The following IL1RAPL1 variants were observed in gnomAD, a reference collection of about 807,000 sequenced individuals.
IL1RAPL1 encodes the protein interleukin 1 receptor accessory protein like 1, also known as interleukin-1 receptor accessory protein-like 1.
A neutral mutation model predicts 48.4 loss-of-function variants in IL1RAPL1; 3 were observed. The observed-to-expected ratio is 0.06, with a 90% CI of 0.03 to 0.16. The LOEUF is 0.16. Among genes scored for constraint, IL1RAPL1 ranks in the 10% least tolerant of loss-of-function variants. The pLI, the probability that IL1RAPL1 is intolerant of heterozygous loss-of-function variation, is 1.00. For synonymous variants in IL1RAPL1, 185 were observed against 187.7 expected (o/e 0.99, Z 0.12); for missense variants, 349 against 530.6 (o/e 0.66, Z 3.36).
At chrX:29,036,642 T>C (rs1014285826) in intron 2 of IL1RAPL1, among the ~76,000 whole-genome samples, 1 of 112,181 alleles carries the variant, frequency 8.9e-6, no homozygotes, top group Non-Finnish European at 1.9e-5. Context: ...TTTACTTTTA[T>C]CTTTGAATAA....
intron 6 of IL1RAPL1, among the ~76,000 whole-genome samples, chrX:29,754,564 A>G (rs1928566530): frequency 8.9e-6 from 1 of 112,047 alleles, no homozygotes; most frequent in Non-Finnish European, 1.9e-5. Flanking sequence ...AGCCTTTAAC[A>G]ATACAAGACT....
chrX:29,689,225 A>G lies in IL1RAPL1; in HGVS notation c.778+20721A>G, dbSNP rs1326668924. On this transcript the variant is annotated intron_variant, in intron 6 of 10. Transcript: ENST00000378993. ...TCTCCGTTAGTAGACACATCGTAGTATCTAACCATAATGATTACAGGCATA... is the reference window on the plus strand; with the variant it reads ...TCTCCGTTAGTAGACACATCGTAGTGTCTAACCATAATGATTACAGGCATA... Among the ~76,000 whole-genome samples the G allele has an allele frequency of 1.9e-4, 21 of 111,648 alleles. No individual in the cohort carries two copies. In the Admixed American group the frequency reaches 2.0e-3, roughly 11 times the overall value.
chrX:28,615,131 G>T lies in IL1RAPL1; in HGVS notation c.-25+27084G>T, dbSNP rs1475956952. On this transcript the variant is annotated intron_variant, in intron 1 of 10. Transcript: ENST00000378993. The stretch of plus-strand genomic sequence containing the variant: ...TCTCGACCTCCTGACCTCGTGATCT[G>T]CCCGCCTTGGCCTCCTAAAGTGCTG... 5.7e-5 allele frequency among the ~76,000 whole-genome samples: 6 copies of T among 104,707 alleles called. No homozygotes were observed. In the Admixed American group the frequency reaches 6.3e-4, roughly 11 times the overall value. 90.9% of individuals were successfully genotyped at this position (104,707 alleles called of 115,157 possible).
intron 6 of IL1RAPL1, among the ~76,000 whole-genome samples, chrX:29,914,260 AGAAAT>A (rs1932780944): frequency 8.9e-6 from 1 of 112,400 alleles, no homozygotes; most frequent in South Asian, 3.7e-4. Context: ...GTAAAAGAAA[AGAAAT>A]GAATTATAAA....
At chrX:29,221,610 TACAC>T (rs1293855769) in intron 2 of IL1RAPL1, among the ~76,000 whole-genome samples, 1 of 61,808 alleles carries the variant, frequency 1.6e-5, no homozygotes, top group East Asian at 4.8e-4. Context: ...GAGCAATGTA[TACAC>T]ACACATACAC....
rs148111392 is a variant in IL1RAPL1, at chrX:29,806,735, T to C, written c.779-110729T>C. Among the ~76,000 whole-genome samples, 74 of 111,804 alleles carry C rather than the reference T, an allele frequency of 6.6e-4. 1 individual carries two copies. The East Asian group carries it at 9.2e-3, about 14-fold the overall frequency. On this transcript the variant is annotated intron_variant, in intron 6 of 10. Transcript: ENST00000378993. ...AACCATCTAAAGAATATATATCTAT[T>C]AGCCATTTACATATATAACCAATTA...
At chrX:29,271,833 A>G (rs1433485348) in intron 2 of IL1RAPL1, among the ~76,000 whole-genome samples, 1 of 111,624 alleles carries the variant, frequency 9.0e-6, no homozygotes, top group Admixed American at 9.5e-5. Context: ...TACTCTCTTG[A>G]TAGTTTGGTT....
At chrX:28,798,276 G>A (rs975434908) in intron 2 of IL1RAPL1, among the ~76,000 whole-genome samples, 1 of 111,828 alleles carries the variant, frequency 8.9e-6, no homozygotes, top group African/African-American at 3.3e-5. Context: ...AGGCTTGCAC[G>A]TGATCCATAA....
rs188377930 is a variant in IL1RAPL1 at position 28,992,346 on chromosome X, T to C, written c.82+202921T>C. Among the ~76,000 whole-genome samples, 12 of 109,306 alleles carry C rather than the reference T, an allele frequency of 1.1e-4. No individual in the cohort carries two copies. In the East Asian group the frequency reaches 3.5e-3, roughly 32 times the overall value. 94.9% of individuals were successfully genotyped at this position (109,306 alleles called of 115,157 possible). ...CTCTACTAAAACTACAAAAATTAGC[T>C]GGGCATGGTGGCACATGCCTGTAAT... On this transcript the variant is annotated intron_variant, in intron 2 of 10. Transcript: ENST00000378993.
intron 5 of IL1RAPL1, among the ~76,000 whole-genome samples, chrX:29,486,055 T>C (rs1250923693): frequency 9.0e-6 from 1 of 111,516 alleles, no homozygotes; most frequent in Non-Finnish European, 1.9e-5. Flanking sequence ...ATCTTTGTTT[T>C]AACAAGCCCT....
At chrX:28,697,518 C>T (rs1352730968) in intron 1 of IL1RAPL1, among the ~76,000 whole-genome samples, 2 of 110,810 alleles carry the variant, frequency 1.8e-5, no homozygotes, top group Non-Finnish European at 3.8e-5. Context: ...TTTGATAGAT[C>T]AGGATTTTTA....
At chrX:28,900,439 T>G (rs1923044164) in intron 2 of IL1RAPL1, among the ~76,000 whole-genome samples, 1 of 111,751 alleles carries the variant, frequency 8.9e-6, no homozygotes, top group Non-Finnish European at 1.9e-5. Context: ...GAATAAAAAT[T>G]TAACTATGAG....
At chrX:28,608,641 A>G (rs1369670388) in intron 1 of IL1RAPL1, among the ~76,000 whole-genome samples, 1 of 111,899 alleles carries the variant, frequency 8.9e-6, no homozygotes, top group Admixed American at 9.6e-5. Flanking sequence ...CAACATGTGT[A>G]CAGCTGAATT....
intron 1 of IL1RAPL1, among the ~76,000 whole-genome samples, chrX:28,608,318 A>G (rs1207413519): frequency 8.9e-6 from 1 of 111,735 alleles, no homozygotes; most frequent in African/African-American, 3.3e-5. Context: ...CAGTGATGCA[A>G]TGTACACATT....
intron 1 of IL1RAPL1, among the ~76,000 whole-genome samples, chrX:28,689,358 T>C (rs183155284): frequency 2.1e-4 from 23 of 110,768 alleles, no homozygotes; most frequent in Admixed American, 1.8e-3. Context: ...TTCCCTACCT[T>C]TGCTCTGCAT....
At position 29,954,579 on chromosome X, in the gene IL1RAPL1, A is replaced by T. The variant is rs1237875163; in HGVS notation, c.1259A>T (p.Asn420Ile). Residue 420 changes from asparagine (N) to isoleucine (I), a missense_variant, in exon 10 of 11, where the codon AAT becomes ATT. Asn to Ile is a moderately radical substitution (Grantham distance 149). Coordinates refer to ENST00000378993, the MANE Select transcript of IL1RAPL1 (RefSeq NM_014271.4). Reference sequence around the variant, plus strand: ...ACCAAAGTGGATCCTGACCAGTGGAATCAAGAGACTGGGGAAGAAGAACGT... The same window carrying T: ...ACCAAAGTGGATCCTGACCAGTGGATTCAAGAGACTGGGGAAGAAGAACGT... ...SYTKVDPDQW[N>I]QETGEEERFA... is the part of the protein sequence containing the mutation. 3 of 1,203,213 alleles carry T rather than the reference A, an allele frequency of 2.5e-6. No individual in the cohort carries two copies. The highest frequency in any genetic ancestry group is 3.4e-6 in the Non-Finnish European group (3 of 888,639).
intron 6 of IL1RAPL1, among the ~76,000 whole-genome samples, chrX:29,841,884 A>T (rs1170170467): frequency 8.9e-6 from 1 of 111,887 alleles, no homozygotes; most frequent in Non-Finnish European, 1.9e-5. Flanking sequence ...ATAATTTATT[A>T]CAGCAAAAGG....
intron 2 of IL1RAPL1, among the ~76,000 whole-genome samples, chrX:29,026,555 T>G (rs1926490289): frequency 9.0e-6 from 1 of 111,564 alleles, no homozygotes; most frequent in Admixed American, 9.6e-5. Flanking sequence ...ATTCTGCACT[T>G]GTATTCTGGA....
intron 5 of IL1RAPL1, among the ~76,000 whole-genome samples, chrX:29,497,057 A>T (rs1935222128): frequency 8.8e-6 from 1 of 113,013 alleles, no homozygotes. Context: ...TAACCCTGAT[A>T]TGAGTAATTT....
Sources: allele counts gnomAD v4.1 joint callset (sites outside exome capture counted in the v4.1 genomes callset), GRCh38; gene constraint gnomAD v4.1.1; transcripts MANE v1.5; gene names NCBI Gene and HGNC (gene_info 2026-07-23, HGNC 2026-07-21).